The following CR1 variants were observed in gnomAD, a reference collection of about 807,000 sequenced individuals.
CR1 encodes the protein complement receptor type 1.
CR1 carries 116 observed loss-of-function variants against 187.3 expected under a neutral mutation model. The observed-to-expected ratio is 0.62, with a 90% CI of 0.53 to 0.72. The LOEUF is 0.72. Among genes scored for constraint, CR1 ranks in the 30% least tolerant of loss-of-function variants. The pLI, the probability that CR1 is intolerant of heterozygous loss-of-function variation, is 0.00. For missense variants in CR1, 1,731 were observed against 2,110.7 expected, an observed-to-expected ratio of 0.82 and a Z score of 3.52; for synonymous variants, 576 against 747.1, an observed-to-expected ratio of 0.77 and a Z score of 3.73.
At chr1:207,500,290 C>T (rs975754268) in intron 1 of CR1, among the ~76,000 whole-genome samples, 1 of 152,112 alleles carries the variant, frequency 6.6e-6, no homozygotes, top group Admixed American at 6.5e-5. Context: ...TGTTCGTGTA[C>T]ATATATAATT....
chr1:207,565,236 A>G (rs1214911919), intron 23 of CR1, among the ~76,000 whole-genome samples: 3 of 150,422 alleles, frequency 2.0e-5, no homozygotes, highest in South Asian at 2.1e-4. Flanking sequence ...GGAGGGCATC[A>G]GGGTCCAAAA....
intron 4 of CR1, among the ~76,000 whole-genome samples, chr1:207,520,360 C>G (rs1411732266): frequency 6.6e-6 from 1 of 152,234 alleles, no homozygotes; most frequent in East Asian, 1.9e-4. Flanking sequence ...CTGCCGTGAC[C>G]ACCTCTCAGT....
chr1:207,630,650 G>A, intron 46 of CR1, 29 bp downstream of exon 46: 1 of 1,443,970 alleles, frequency 6.9e-7, no homozygotes, highest in Non-Finnish European at 9.4e-7. Context: ...AATTCAAAAT[G>A]TTTTCAACAA....
chr1:207,564,283 A>C, intron 23 of CR1, 49 bp downstream of exon 23: 1 of 1,594,550 alleles, frequency 6.3e-7, no homozygotes, highest in African/African-American at 1.6e-5. Flanking sequence ...TGGGGTTGGG[A>C]ATCAGTCTAA....
intron 45 of CR1, among the ~76,000 whole-genome samples, chr1:207,626,765 C>T (rs1464663920): frequency 1.3e-5 from 2 of 152,152 alleles, no homozygotes; most frequent in African/African-American, 4.8e-5. Context: ...AGGCTGGGTG[C>T]GATGGCTCAG....
Position 207,496,311 on chromosome 1 carries a change from C to G in CR1, c.44C>G (p.Pro15Arg). Residue 15 changes from proline (P) to arginine (R), a missense_variant, in exon 1 of 47, where the codon CCG (proline) becomes CGG (arginine). Around this residue, in one of 5 missense-constraint regions of CR1, gnomAD observed 237 missense variants for 240.4 expected, o/e 0.99. Coordinates refer to ENST00000367049, the MANE Select transcript of CR1 (RefSeq NM_000651.6). ...SPRSPEPVGP[P>R]APGLPFCCGG... ...AGAAGCCCGGAGCCTGTCGGGCCGC[C>G]GGCGCCCGGTCTCCCCTTCTGCTGC... 2 of 1,613,646 alleles carry G rather than the reference C, an allele frequency of 1.2e-6. No homozygotes were observed. The highest frequency in any genetic ancestry group is 1.7e-6 in the Non-Finnish European group (2 of 1,179,826).
intron 3 of CR1, among the ~76,000 whole-genome samples, chr1:207,510,832 T>C (rs1213496373): frequency 6.6e-6 from 1 of 151,348 alleles, no homozygotes; most frequent in Non-Finnish European, 1.5e-5. Flanking sequence ...ACTTTCTTTT[T>C]TTTTTTTGAT....
Position 207,496,320 on chromosome 1 carries a change from G to C in CR1, c.53G>C (p.Gly18Ala), listed in dbSNP as rs1197723622. Residue 18 changes from glycine to alanine, a missense_variant, in exon 1 of 47, where the codon GGT (glycine) becomes GCT (alanine). By Grantham distance (60) the Gly-to-Ala change is moderately conservative. This residue lies in a region of CR1 where 237 missense variants were observed against 240.4 expected (regional missense o/e 0.99). Transcript: ENST00000367049. Reference protein sequence around the residue: ...SPEPVGPPAPGLPFCCGGSLL... With the variant: ...SPEPVGPPAPALPFCCGGSLL... Reference sequence around the variant, plus strand: ...GAGCCTGTCGGGCCGCCGGCGCCCGGTCTCCCCTTCTGCTGCGGAGGATCC... The same window carrying C: ...GAGCCTGTCGGGCCGCCGGCGCCCGCTCTCCCCTTCTGCTGCGGAGGATCC... The C allele has an allele frequency of 2.0e-5, 32 of 1,613,594 alleles. No individual in the cohort carries two copies. Among genetic ancestry groups the C allele is most frequent in the Non-Finnish European group, 2.7e-5 (32 of 1,179,830 alleles).
Position 207,511,673 on chromosome 1 carries a change from T to C in CR1, c.487+19T>C, listed in dbSNP as rs774908697. 5 of 1,601,962 alleles carry C rather than the reference T, an allele frequency of 3.1e-6. No homozygotes were observed. Among genetic ancestry groups the C allele is most frequent in the Non-Finnish European group, 4.3e-6 (5 of 1,169,866 alleles). On this transcript the variant is annotated intron_variant, in intron 4 of 46. Coordinates refer to ENST00000367049, the MANE Select transcript of CR1 (RefSeq NM_000651.6). ...TGTGACAGTGAGTTGAAATATCCCT[T>C]CCTATTTCTTTTACCGACACATTCT... is the stretch of plus-strand genomic sequence containing the variant.
chr1:207,639,436 C>T lies in CR1; in HGVS notation c.*27C>T. 1 of 1,589,968 alleles carries T rather than the reference C, an allele frequency of 6.3e-7. No homozygotes were observed. Among genetic ancestry groups the T allele is most frequent in the Non-Finnish European group, 8.6e-7 (1 of 1,166,252 alleles). ...AAAGTACTATACAGCTGAAGAACAT[C>T]TCGAATACAATTTTGGTGGGAAAGG... On this transcript the variant is annotated 3_prime_UTR_variant, in exon 47 of 47. Coordinates refer to ENST00000367049, the MANE Select transcript of CR1 (RefSeq NM_000651.6).
chr1:207,506,171 A>C (rs1659426346), intron 2 of CR1, 88 bp downstream of exon 2: 1 of 1,481,894 alleles, frequency 6.7e-7, no homozygotes, highest in African/African-American at 1.4e-5. Context: ...ACTGAGTTGC[A>C]TATGACAATT....
At chr1:207,580,799 A>G (rs941081644) in intron 31 of CR1, among the ~76,000 whole-genome samples, 186 bp downstream of exon 31, 3 of 152,188 alleles carry the variant, frequency 2.0e-5, no homozygotes, top group African/African-American at 7.2e-5. Context: ...AAAGAGATAA[A>G]GAAAAAATGG....
At chr1:207,625,623 A>G (rs1243819043) in intron 45 of CR1, among the ~76,000 whole-genome samples, 1 of 152,162 alleles carries the variant, frequency 6.6e-6, no homozygotes, top group East Asian at 1.9e-4. Flanking sequence ...TTATCACTCA[A>G]CTCAGTCTCC....
At position 207,595,265 on chromosome 1, in the gene CR1, G is replaced by T. The variant is rs149818399; in HGVS notation, c.5810+6491G>T. Among the ~76,000 whole-genome samples the T allele has an allele frequency of 3.6e-3, 546 of 151,478 alleles. 7 individuals carry two copies. Among genetic ancestry groups the T allele is most frequent in the African/African-American group, 0.013 (528 of 41,302 alleles). On this transcript the variant is annotated intron_variant, in intron 35 of 46. Coordinates refer to ENST00000367049, the MANE Select transcript of CR1 (RefSeq NM_000651.6). Reference sequence around the variant, plus strand: ...AACACACTACACACAAACACACAGGGATATAATATAGAAATTCCAGAAAAA... The same window carrying T: ...AACACACTACACACAAACACACAGGTATATAATATAGAAATTCCAGAAAAA...
chr1:207,582,953 C>T (rs1661007179), intron 32 of CR1, among the ~76,000 whole-genome samples: 1 of 152,070 alleles, frequency 6.6e-6, no homozygotes. Flanking sequence ...TCTTAGATAT[C>T]CAGATGGATA....
In CR1 at chr1:207,580,229, CCTTTCCA is replaced by C; in HGVS notation, c.4937-9_4937-3del. 1 of 1,613,164 alleles carries C rather than the reference CCTTTCCA, an allele frequency of 6.2e-7. No individual in the cohort carries two copies. The highest frequency in any genetic ancestry group is 8.5e-7 in the Non-Finnish European group (1 of 1,179,362). On this transcript the variant is annotated splice_polypyrimidine_tract_variant and splice_region_variant and intron_variant, in intron 29 of 46. Transcript: ENST00000367049. ...TAACTAACAAGTACTCTGGAACTGT[CCTTTCCA>C]CAGTGTGTCAGCCGCCTCCAGAAAT...
intron 4 of CR1, among the ~76,000 whole-genome samples, chr1:207,513,247 T>C (rs1659677700): frequency 6.6e-6 from 1 of 152,230 alleles, no homozygotes; most frequent in African/African-American, 2.4e-5. Flanking sequence ...AGCTCAAATA[T>C]GCATTACAAG....
intron 27 of CR1, among the ~76,000 whole-genome samples, chr1:207,574,762 T>C (rs10127904): frequency 2.0e-5 from 3 of 152,066 alleles, no homozygotes; most frequent in Non-Finnish European, 4.4e-5. Context: ...GGTTTAAATA[T>C]CTGTTGTGTG....
chr1:207,633,598 C>G (rs1180363742), intron 46 of CR1, among the ~76,000 whole-genome samples: 1 of 152,168 alleles, frequency 6.6e-6, no homozygotes, highest in East Asian at 1.9e-4. Flanking sequence ...TTACAATGTG[C>G]CATACATTGT....
Sources: gnomAD v4.1 joint callset for allele counts (sites outside exome capture counted in the v4.1 genomes callset) on GRCh38, gnomAD v4.1.1 for gene constraint, gnomAD v4.1.1 regional missense constraint, MANE v1.5 for transcripts, NCBI Gene and HGNC (gene_info 2026-07-23, HGNC 2026-07-21) for gene names.